TECPR1: variants seen among roughly 807,000 people sequenced by gnomAD.
TECPR1 encodes tectonin beta-propeller repeat-containing protein 1.
In TECPR1, 122 loss-of-function variants were observed where a neutral mutation model predicts 162.4. That is an observed-to-expected ratio of 0.75 (90% CI 0.65 to 0.87). TECPR1 has a LOEUF of 0.87. TECPR1 is among the 40% of genes least tolerant of loss of function. TECPR1 has a pLI of 0.00. For missense variants in TECPR1, 1,432 were observed against 1,618.2 expected (o/e 0.88, Z 1.97); for synonymous variants, 642 against 670.6 (o/e 0.96, Z 0.66).
At chr7:98,220,797 C>T (rs1478902778) in intron 23 of TECPR1, among the ~76,000 whole-genome samples, 1 of 151,932 alleles carries the variant, frequency 6.6e-6, no homozygotes, top group East Asian at 2.0e-4. Flanking sequence ...ACCTTGTGAT[C>T]CGCCTGCTCC....
chr7:98,229,289 C>T, intron 15 of TECPR1, 123 bp from the exon 16 acceptor site: 1 of 1,296,620 alleles, frequency 7.7e-7, no homozygotes, highest in Non-Finnish European at 1.1e-6. Context: ...GGTCTCCAAG[C>T]ACAGACCATC....
intron 16 of TECPR1, 22 bp downstream of exon 16, chr7:98,229,017 G>A (rs777321073): frequency 1.9e-6 from 3 of 1,596,786 alleles, no homozygotes; most frequent in East Asian, 2.3e-5. Context: ...AAGGCTCCGG[G>A]GGGGCTGTGG....
intron 17 of TECPR1, among the ~76,000 whole-genome samples, chr7:98,227,168 C>T (rs765192233): frequency 1.1e-4 from 17 of 151,550 alleles, no homozygotes; most frequent in Non-Finnish European, 1.6e-4. Flanking sequence ...CCGAGGCAGG[C>T]GGATCATGAG....
chr7:98,224,718 G>A (rs768565139), intron 19 of TECPR1, 83 bp downstream of exon 19: 128 of 1,326,998 alleles, frequency 9.6e-5, no homozygotes, highest in Non-Finnish European at 1.3e-4. Context: ...CAGCCTGGAA[G>A]AGCAGTGAGG....
intron 10 of TECPR1, among the ~76,000 whole-genome samples, chr7:98,235,341 C>T (rs990863211): frequency 4.0e-5 from 6 of 151,698 alleles, no homozygotes; most frequent in African/African-American, 1.2e-4. Flanking sequence ...CTGGCTAACA[C>T]GGTGAAACCT....
chr7:98,241,211 G>T lies in TECPR1; in HGVS notation c.691C>A (p.Pro231Thr). ...WYREDVSHSN[P>T]EGSSWSLLDT... ...AGCAGGGACCAGGAGGACCCTTCGG[G>T]GTTGGAGTGGCTGACGTCCTCTCTG... The change falls in exon 7 of 26, where the codon CCC becomes ACC. Residue 231 changes from proline (P) to threonine (T), a missense_variant. Pro to Thr is a conservative substitution (Grantham distance 38). Coordinates refer to ENST00000447648, the MANE Select transcript of TECPR1 (RefSeq NM_015395.3). This position sits in a 1 kb window ranked among gnomAD's most constrained non-coding sequence, Gnocchi z 5.0. 1 of 1,612,792 alleles carries T rather than the reference G, an allele frequency of 6.2e-7. No homozygotes were observed. Among genetic ancestry groups the T allele is most frequent in the Non-Finnish European group, 8.5e-7 (1 of 1,179,812 alleles).
chr7:98,240,973 C>T, intron 7 of TECPR1, 22 bp from the exon 8 acceptor site: 1 of 1,592,722 alleles, frequency 6.3e-7, no homozygotes, highest in Non-Finnish European at 8.5e-7. Flanking sequence ...CCAAGAAACC[C>T]CCAGTGGCCC....
intron 5 of TECPR1, among the ~76,000 whole-genome samples, 157 bp downstream of exon 5, chr7:98,244,414 C>T (rs139533382): frequency 0.011 from 1,640 of 152,296 alleles, 17 homozygotes; most frequent in Admixed American, 0.015. Flanking sequence ...CACGCAGTGT[C>T]GTGGTGTTCC....
chr7:98,232,042 G>T lies in TECPR1; in HGVS notation c.1819-83C>A. The T allele has an allele frequency of 6.8e-7, 1 of 1,468,696 alleles. No homozygotes were observed. The highest frequency in any genetic ancestry group is 2.0e-5 in the Admixed American group (1 of 50,076). 91.0% of individuals were successfully genotyped at this position (1,468,696 alleles called of 1,614,324 possible). A position where few individuals can be genotyped will look rare whatever the true frequency, so the allele number is the denominator to read the frequency against. ...AGGGCGGGGCTGGGGGTGCCCAGAG[G>T]AGGAGGCAGGGCTGGGGTAGGGCCC... On this transcript the variant is annotated intron_variant, in intron 12 of 25. Coordinates refer to ENST00000447648, the MANE Select transcript of TECPR1 (RefSeq NM_015395.3). This position sits in a 1 kb window ranked among gnomAD's most constrained non-coding sequence, Gnocchi z 4.6.
intron 11 of TECPR1, 153 bp from the exon 12 acceptor site, chr7:98,233,125 G>C: frequency 1.1e-6 from 1 of 894,340 alleles, no homozygotes; most frequent in Non-Finnish European, 1.6e-6. Context: ...TGTTGGATGA[G>C]TTGCTCTCCC....
Position 98,229,064 on chromosome 7 carries a change from G to T in TECPR1, c.2385C>A (p.Gly795=). ...CTTGGAAGCAGCCGCCTCCATAGCC[G>T]CCTGTGTATACCCAGGCCGTGTGGT... The part of the protein sequence containing the change: ...GYDHTAWVYT[G]GYGGGCFQGL... The change falls in exon 16 of 26, where the codon GGC becomes GGA. Residue 795 remains glycine, a synonymous_variant. Coordinates refer to ENST00000447648, the MANE Select transcript of TECPR1 (RefSeq NM_015395.3). 1 of 1,595,744 alleles carries T rather than the reference G, an allele frequency of 6.3e-7. No individual in the cohort carries two copies. The highest frequency in any genetic ancestry group is 8.5e-7 in the Non-Finnish European group (1 of 1,171,654).
At chr7:98,238,684 G>T in intron 8 of TECPR1, 74 bp from the exon 9 acceptor site, 2 of 1,214,158 alleles carry the variant, frequency 1.6e-6, no homozygotes, top group Non-Finnish European at 1.2e-6. Flanking sequence ...TAAGCCTCAG[G>T]GAGAACAAGT....
chr7:98,248,051 T>C (rs1464277491), intron 2 of TECPR1, among the ~76,000 whole-genome samples: 1 of 152,212 alleles, frequency 6.6e-6, no homozygotes, highest in Admixed American at 6.5e-5. Flanking sequence ...CTCTGTGCTT[T>C]GTAGGCATAG....
At chr7:98,243,376 G>C in intron 6 of TECPR1, 91 bp downstream of exon 6, 1 of 1,525,394 alleles carries the variant, frequency 6.6e-7, no homozygotes, top group Non-Finnish European at 8.9e-7. Context: ...CCGGGGCTCC[G>C]GGGAGGAGCA....
chr7:98,231,920 C>T lies in TECPR1; in HGVS notation c.1858G>A (p.Asp620Asn), dbSNP rs781632622. 13 of 1,609,388 alleles carry T rather than the reference C, an allele frequency of 8.1e-6. No individual in the cohort carries two copies. Among genetic ancestry groups the T allele is most frequent in the Non-Finnish European group, 1.0e-5 (12 of 1,179,792 alleles). ...TCCACCCACTTGTGGGGCTTCCAGT[C>T]GCACCACCACTGCAGCGCCCCGGTC... ...VKTGALQWWC[D>N]WKPHKWVDVR... The change falls in exon 13 of 26, where the codon GAC becomes AAC. Residue 620 changes from aspartate to asparagine, a missense_variant. Physicochemically the swap from Asp to Asn is conservative, Grantham distance 23. Transcript: ENST00000447648.
At chr7:98,233,948 C>T in intron 10 of TECPR1, 37 bp from the exon 11 acceptor site, 1 of 1,476,058 alleles carries the variant, frequency 6.8e-7, no homozygotes, top group Non-Finnish European at 9.0e-7. Context: ...CACTCCCTTG[C>T]AGGGGAACAG....
chr7:98,230,359 G>A (rs375095132), intron 15 of TECPR1, among the ~76,000 whole-genome samples: 4 of 151,894 alleles, frequency 2.6e-5, no homozygotes, highest in African/African-American at 4.8e-5. Context: ...AGGCTTGTGC[G>A]CCCAGCCCTG....
intron 8 of TECPR1, among the ~76,000 whole-genome samples, chr7:98,239,523 C>A (rs1342339788): frequency 6.6e-6 from 1 of 152,132 alleles, no homozygotes; most frequent in Non-Finnish European, 1.5e-5. Flanking sequence ...CCACGGCATT[C>A]CAGCCTGGGT....
intron 19 of TECPR1, 40 bp downstream of exon 19, chr7:98,224,761 C>T: frequency 1.3e-6 from 2 of 1,542,896 alleles, no homozygotes; most frequent in South Asian, 1.2e-5. Flanking sequence ...CCCTGACATT[C>T]AGGACCCAGC....
Sources: gnomAD v4.1 joint callset for allele counts (sites outside exome capture counted in the v4.1 genomes callset) on GRCh38, gnomAD v4.1.1 for gene constraint, Gnocchi (gnomAD v3.1) non-coding constraint, MANE v1.5 for transcripts, NCBI Gene and HGNC (gene_info 2026-07-23, HGNC 2026-07-21) for gene names.